Variants in DDA1 observed in about 807,000 individuals in gnomAD.
The protein encoded by DDA1 is DET1 and DDB1 associated 1, also known as DET1- and DDB1-associated protein 1.
DDA1 carries 3 observed loss-of-function variants against 18.6 expected under a neutral mutation model. The observed-to-expected ratio is 0.16, with a 90% CI of 0.07 to 0.42. The LOEUF (loss-of-function observed/expected upper bound fraction) is 0.42, where lower values mean the gene tolerates loss of function less well. Among genes scored for constraint, DDA1 ranks in the 10% least tolerant of loss-of-function variants. The pLI, the probability that DDA1 is intolerant of heterozygous loss-of-function variation, is 0.99. For missense variants in DDA1, 105 were observed against 138.2 expected (o/e 0.76, Z 1.20); for synonymous variants, 52 against 54.0 (o/e 0.96, Z 0.17).
intron 4 of DDA1, 101 bp downstream of exon 4, chr19:17,316,096 G>C: frequency 1.5e-6 from 2 of 1,344,792 alleles, no homozygotes; most frequent in South Asian, 2.3e-5. Flanking sequence ...GATTGGAGCA[G>C]GGCCTTGAGG....
At chr19:17,317,466 G>A (rs557919464) in intron 4 of DDA1, among the ~76,000 whole-genome samples, 244 of 150,978 alleles carry the variant, frequency 1.6e-3, no homozygotes, top group African/African-American at 5.7e-3. Flanking sequence ...GCAGTGAGCT[G>A]AAATTGCACC....
rs752510507 is a variant in DDA1 at position 17,314,355 on chromosome 19, C to T, written c.102C>T (p.Val34=). The T allele has an allele frequency of 2.5e-6, 4 of 1,614,272 alleles. No homozygotes were observed. The highest frequency in any genetic ancestry group is 3.4e-6 in the Non-Finnish European group (4 of 1,180,056). ...TCCTGCAGAACCGACGGCCCTCAGT[C>T]TACCTGCCTACCCGCGAGTACCCGT... is the stretch of plus-strand genomic sequence containing the variant. ...VCKASNRRPS[V]YLPTREYPSE... Residue 34 remains valine (V), a synonymous_variant, in exon 3 of 5, where the codon GTC becomes GTT. Coordinates refer to ENST00000359866, the MANE Select transcript of DDA1 (RefSeq NM_024050.6). The surrounding 1 kb of genome is among the most constrained non-coding windows in gnomAD (Gnocchi z 4.6).
intron 4 of DDA1, among the ~76,000 whole-genome samples, chr19:17,317,459 G>C (rs1003968374): frequency 3.3e-5 from 5 of 152,022 alleles, no homozygotes; most frequent in African/African-American, 1.2e-4. Flanking sequence ...GGAGCTTGCA[G>C]TGAGCTGAAA....
At position 17,318,850 on chromosome 19, in the gene DDA1, T is replaced by TA. The variant is rs545211667; in HGVS notation, c.199-695dup. Reference sequence around the variant, plus strand: ...CTGGCAAGTTTGTTTTTTTTTTTTTTACCTAACATTGAACAGTGGGTGGCT... The same window carrying TA: ...CTGGCAAGTTTGTTTTTTTTTTTTTTAACCTAACATTGAACAGTGGGTGGCT... On this transcript the variant is annotated intron_variant, in intron 4 of 4. Transcript: ENST00000359866. Among the ~76,000 whole-genome samples the TA allele has an allele frequency of 1.5e-3, 233 of 151,690 alleles. 1 individual carries two copies. The highest frequency in any genetic ancestry group is 4.3e-3 in the African/African-American group (177 of 41,232).
chr19:17,314,481 C>A lies in DDA1; in HGVS notation c.136+92C>A. On this transcript the variant is annotated intron_variant, in intron 3 of 4. Coordinates refer to ENST00000359866, the MANE Select transcript of DDA1 (RefSeq NM_024050.6). The surrounding 1 kb of genome is among the most constrained non-coding windows in gnomAD (Gnocchi z 4.6). ...GGCACGCGGAGGTTATCTTCAACCCCGGCCCAGGCCATAGACTTGGCTTGG... is the reference window on the plus strand; with the variant it reads ...GGCACGCGGAGGTTATCTTCAACCCAGGCCCAGGCCATAGACTTGGCTTGG... 6.5e-7 allele frequency: 1 copy of A among 1,535,232 alleles called. No homozygotes were observed. Among genetic ancestry groups the A allele is most frequent in the Non-Finnish European group, 9.0e-7 (1 of 1,112,696 alleles).
rs1257326611 is a variant in DDA1 at position 17,311,294 on chromosome 19, T to C, written c.3+1637T>C. 2.0e-5 allele frequency among the ~76,000 whole-genome samples: 3 copies of C among 152,028 alleles called. No homozygotes were observed. In the East Asian group the frequency reaches 5.8e-4, roughly 29 times the overall value. On this transcript the variant is annotated intron_variant, in intron 1 of 4. Transcript: ENST00000359866. ...CATTCTCCTGCCTCAGCCTCCCAAGTAGGTGGGACCCACCACCATGCCCGG... is the reference window on the plus strand; with the variant it reads ...CATTCTCCTGCCTCAGCCTCCCAAGCAGGTGGGACCCACCACCATGCCCGG...
intron 3 of DDA1, among the ~76,000 whole-genome samples, chr19:17,315,409 C>CGT (rs781595425): frequency 0.026 from 1,148 of 43,466 alleles, 41 homozygotes; most frequent in South Asian, 0.048. Flanking sequence ...TATATACATA[C>CGT]GTGTGTGTGT....
chr19:17,314,173 C>G lies in DDA1; in HGVS notation c.84+70C>G, dbSNP rs1458392348. 1.9e-6 allele frequency: 3 copies of G among 1,581,566 alleles called. No individual in the cohort carries two copies. The highest frequency in any genetic ancestry group is 1.7e-6 in the Non-Finnish European group (2 of 1,151,890). On this transcript the variant is annotated intron_variant, in intron 2 of 4. Transcript: ENST00000359866. The surrounding 1 kb of genome is among the most constrained non-coding windows in gnomAD (Gnocchi z 4.6). The stretch of plus-strand genomic sequence containing the variant: ...GGGGCCTGGGGGCAGCTTGTGTCCC[C>G]CGATTGGGGTCTTGGCTGGAACAGA...
At chr19:17,313,001 T>C (rs976242158) in intron 1 of DDA1, among the ~76,000 whole-genome samples, 4 of 152,024 alleles carry the variant, frequency 2.6e-5, no homozygotes, top group African/African-American at 7.2e-5. Context: ...TGTCATAGAA[T>C]TGGGGACACT....
chr19:17,316,001 G>A lies in DDA1; in HGVS notation c.198+6G>A. 14 of 1,614,138 alleles carry A rather than the reference G, an allele frequency of 8.7e-6. No individual in the cohort carries two copies. The highest frequency in any genetic ancestry group is 1.2e-5 in the Non-Finnish European group (14 of 1,179,974). ...ATCAGCAATGGGACAAAAAGGTGAG[G>A]CCCACAGGGCTCTGGTGCAGGGATT... On this transcript the variant is annotated splice_donor_region_variant and intron_variant, in intron 4 of 4. Coordinates refer to ENST00000359866, the MANE Select transcript of DDA1 (RefSeq NM_024050.6).
intron 3 of DDA1, among the ~76,000 whole-genome samples, chr19:17,315,222 CGTGTATACACACACACGT>C (rs2074201632): frequency 9.7e-5 from 2 of 20,570 alleles, no homozygotes; most frequent in Admixed American, 3.2e-4. Context: ...TATACACACA[CGTGTATACACACACACGT>C]GTATATACAC....
rs1310505039 is a variant in DDA1, at chr19:17,315,172, TAC to T, written c.137-755_137-754del. ...ACACGTATATATACACACGTGTATA[TAC>T]ACACACGTGTATACACACACGTGTA... On this transcript the variant is annotated intron_variant, in intron 3 of 4. Coordinates refer to ENST00000359866, the MANE Select transcript of DDA1 (RefSeq NM_024050.6). Among the ~76,000 whole-genome samples the T allele has an allele frequency of 2.3e-4, 12 of 52,924 alleles. 1 individual carries two copies. The highest frequency in any genetic ancestry group is 7.6e-3 in the Middle Eastern group (1 of 132). 34.7% of individuals were successfully genotyped at this position (52,924 alleles called of 152,430 possible).
At chr19:17,309,686 C>T in intron 1 of DDA1, 29 bp downstream of exon 1, 1 of 1,610,642 alleles carries the variant, frequency 6.2e-7, no homozygotes, top group Non-Finnish European at 8.5e-7. Context: ...CCCCCACTCC[C>T]CCTCTGCTAG....
intron 4 of DDA1, among the ~76,000 whole-genome samples, chr19:17,318,986 T>C (rs937280345): frequency 1.3e-5 from 2 of 152,094 alleles, no homozygotes; most frequent in African/African-American, 2.4e-5. Flanking sequence ...CCCCAGGACT[T>C]GGTTTCCACA....
chr19:17,313,944 C>A lies in DDA1; in HGVS notation c.4-79C>A. 3 of 1,177,770 alleles carry A rather than the reference C, an allele frequency of 2.5e-6. No individual in the cohort carries two copies. The South Asian group carries it at 3.8e-5, about 15-fold the overall frequency. 73.0% of individuals were successfully genotyped at this position (1,177,770 alleles called of 1,614,324 possible). The stretch of plus-strand genomic sequence containing the variant: ...CAAAGAATAGTGGGAAGAAGGAACC[C>A]AGCAGTCACCCTGCAGGTGCTCCAG... On this transcript the variant is annotated intron_variant, in intron 1 of 4. Transcript: ENST00000359866.
chr19:17,311,995 G>A (rs1423076528), intron 1 of DDA1, among the ~76,000 whole-genome samples: 2 of 152,126 alleles, frequency 1.3e-5, no homozygotes, highest in Admixed American at 6.6e-5. Flanking sequence ...TTTGTCCAAC[G>A]CAGACATGTT....
Position 17,319,870 on chromosome 19 carries a change from C to T in DDA1, c.*214C>T, listed in dbSNP as rs2074231555. ...TGTATCAAGCGTTGGTTAAAGGGGA[C>T]ATCAGACCCAGTAGTGTGATGTTGG... On this transcript the variant is annotated 3_prime_UTR_variant, in exon 5 of 5. Transcript: ENST00000359866. The T allele has an allele frequency of 1.8e-6, 1 of 546,214 alleles. No homozygotes were observed. 33.8% of individuals were successfully genotyped at this position (546,214 alleles called of 1,614,324 possible).
Position 17,320,398 on chromosome 19 carries a change from G to T in DDA1, c.*742G>T, listed in dbSNP as rs2074234536. 1.3e-5 allele frequency: 2 copies of T among 152,240 alleles called. No individual in the cohort carries two copies. The highest frequency in any genetic ancestry group is 4.1e-4 in the South Asian group (2 of 4,828). 9.4% of individuals were successfully genotyped at this position (152,240 alleles called of 1,614,324 possible). On this transcript the variant is annotated 3_prime_UTR_variant, in exon 5 of 5. Transcript: ENST00000359866. ...GTGAGAAGGGCCCCCCACGCCAGGG[G>T]CCCCAGGACCGGCTGGATTCTCTCG...
At chr19:17,313,165 T>C (rs1203068447) in intron 1 of DDA1, among the ~76,000 whole-genome samples, 2 of 152,190 alleles carry the variant, frequency 1.3e-5, no homozygotes, top group Admixed American at 1.3e-4. Context: ...AGGTGTGTGA[T>C]GAAGAGAAGG....
Sources: gnomAD v4.1 joint callset for allele counts (sites outside exome capture counted in the v4.1 genomes callset) on GRCh38, gnomAD v4.1.1 for gene constraint, Gnocchi (gnomAD v3.1) non-coding constraint, MANE v1.5 for transcripts, NCBI Gene and HGNC (gene_info 2026-07-23, HGNC 2026-07-21) for gene names.